RGL1: variants seen among roughly 807,000 people sequenced by gnomAD.
RGL1 encodes ral guanine nucleotide dissociation stimulator like 1.
A neutral mutation model predicts 95.2 loss-of-function variants in RGL1; 24 were observed. The ratio of observed to expected loss-of-function variants is 0.25; its 90% CI spans 0.18 to 0.35. The LOEUF is 0.35. RGL1 is among the 10% of genes least tolerant of loss of function. The pLI, the probability that RGL1 is intolerant of heterozygous loss-of-function variation, is 1.00. For synonymous variants in RGL1, 329 were observed against 344.9 expected, an observed-to-expected ratio of 0.95 and a Z score of 0.51; for missense variants, 715 against 936.3, an observed-to-expected ratio of 0.76 and a Z score of 3.08.
At chr1:183,663,338 T>G (rs1651784614) in intron 1 of RGL1, among the ~76,000 whole-genome samples, 1 of 151,410 alleles carries the variant, frequency 6.6e-6, no homozygotes, top group East Asian at 1.9e-4. Flanking sequence ...ATATCCAGAA[T>G]CTACAATGAA....
At chr1:183,657,011 C>CAA (rs1278009517) in intron 1 of RGL1, among the ~76,000 whole-genome samples, 2,408 of 124,582 alleles carry the variant, frequency 0.019, 54 homozygotes, top group African/African-American at 0.054. Context: ...AAAATCGACT[C>CAA]AAAAAAAAAA....
chr1:183,845,962 A>G (rs2102531611), intron 2 of RGL1, among the ~76,000 whole-genome samples: 1 of 152,342 alleles, frequency 6.6e-6, no homozygotes, highest in South Asian at 2.1e-4. Context: ...CTCATAGTTC[A>G]ACCATTGTGG....
intron 2 of RGL1, among the ~76,000 whole-genome samples, chr1:183,820,760 C>T (rs1401624777): frequency 6.6e-6 from 1 of 152,138 alleles, no homozygotes; most frequent in Non-Finnish European, 1.5e-5. Context: ...CAGTAATTTC[C>T]TATAGTGATC....
intron 4 of RGL1, among the ~76,000 whole-genome samples, chr1:183,877,284 C>T (rs1471264528): frequency 6.6e-6 from 1 of 152,212 alleles, no homozygotes; most frequent in Non-Finnish European, 1.5e-5. Flanking sequence ...TACATCCCCC[C>T]ACTCTGTTCT....
At chr1:183,761,447 T>C (rs1658662141) in intron 2 of RGL1, among the ~76,000 whole-genome samples, 2 of 152,362 alleles carry the variant, frequency 1.3e-5, no homozygotes, top group African/African-American at 4.8e-5. Context: ...GGAATATCTT[T>C]TTTTCTAAGC....
intron 2 of RGL1, among the ~76,000 whole-genome samples, chr1:183,750,644 G>T (rs1404054191): frequency 6.6e-6 from 1 of 152,106 alleles, no homozygotes; most frequent in Non-Finnish European, 1.5e-5. Flanking sequence ...GAGGCATTCT[G>T]GTTTTTGGAA....
At chr1:183,760,545 C>T (rs1181692461) in intron 2 of RGL1, among the ~76,000 whole-genome samples, 1 of 121,214 alleles carries the variant, frequency 8.2e-6, no homozygotes. Flanking sequence ...TAGCCTGGGC[C>T]ATATAGCAAG....
At chr1:183,788,338 G>A (rs1222128890) in intron 2 of RGL1, among the ~76,000 whole-genome samples, 1 of 152,142 alleles carries the variant, frequency 6.6e-6, no homozygotes, top group African/African-American at 2.4e-5. Context: ...CAAGCAGTGA[G>A]GCAGGGAAAA....
intron 4 of RGL1, among the ~76,000 whole-genome samples, chr1:183,871,664 G>A (rs1325388339): frequency 2.0e-5 from 3 of 152,190 alleles, no homozygotes; most frequent in Middle Eastern, 6.8e-3. Flanking sequence ...CCTTTCAGAG[G>A]GTAAAAGAAC....
chr1:183,661,865 A>T (rs970441745), intron 1 of RGL1, among the ~76,000 whole-genome samples: 5 of 150,496 alleles, frequency 3.3e-5, no homozygotes, highest in African/African-American at 1.2e-4. Flanking sequence ...ATCCACCATG[A>T]TCAAGTGGGC....
chr1:183,912,747 G>A (rs982599267), intron 15 of RGL1, among the ~76,000 whole-genome samples: 5 of 152,182 alleles, frequency 3.3e-5, no homozygotes, highest in African/African-American at 1.2e-4. Context: ...CACAGATTTG[G>A]TCCAGGTCTG....
chr1:183,885,268 A>G (rs1488870609), intron 7 of RGL1, among the ~76,000 whole-genome samples: 2 of 152,164 alleles, frequency 1.3e-5, no homozygotes, highest in South Asian at 2.1e-4. Context: ...TTTCAGCACC[A>G]TGTTCAGTAA....
chr1:183,644,708 G>A (rs907083792), intron 1 of RGL1, among the ~76,000 whole-genome samples: 5 of 151,898 alleles, frequency 3.3e-5, no homozygotes, highest in Admixed American at 6.6e-5. Flanking sequence ...AAACCAATAC[G>A]AAGAGTAAGA....
At chr1:183,861,239 G>C (rs1319191745) in intron 3 of RGL1, among the ~76,000 whole-genome samples, 1 of 152,128 alleles carries the variant, frequency 6.6e-6, no homozygotes, top group African/African-American at 2.4e-5. Context: ...AGCAGAGCCT[G>C]AGAGATTCTT....
In RGL1 at chr1:183,780,996, C is replaced by A. The variant is rs79146278; in HGVS notation, c.133-25379C>A. On this transcript the variant is annotated intron_variant, in intron 2 of 18. Coordinates refer to the RGL1 transcript ENST00000304685. ...AGGGCCTATTGCTAAGTAGGTTTGTCAACATTTCCTCCAAGCACCTCTTTT... is the reference window on the plus strand; with the variant it reads ...AGGGCCTATTGCTAAGTAGGTTTGTAAACATTTCCTCCAAGCACCTCTTTT... Among the ~76,000 whole-genome samples, 275 of 152,276 alleles carry A rather than the reference C, an allele frequency of 1.8e-3. 6 individuals are homozygous for A. In the East Asian group the frequency reaches 0.042, roughly 23 times the overall value.
At chr1:183,739,939 C>T (rs1212632684) in intron 1 of RGL1, among the ~76,000 whole-genome samples, 1 of 152,218 alleles carries the variant, frequency 6.6e-6, no homozygotes, top group African/African-American at 2.4e-5. Context: ...ACATGTTACG[C>T]TTACGGATGT....
At chr1:183,758,615 G>A (rs1377899707) in intron 2 of RGL1, among the ~76,000 whole-genome samples, 1 of 152,006 alleles carries the variant, frequency 6.6e-6, no homozygotes, top group East Asian at 1.9e-4. Flanking sequence ...TTCTCAATGG[G>A]TCCTCATGTG....
chr1:183,849,483 G>GTTTTTTTTTTTTTTTTTTTTTTTTT, intron 3 of RGL1, among the ~76,000 whole-genome samples: 1 of 120,852 alleles, frequency 8.3e-6, no homozygotes, highest in Non-Finnish European at 1.6e-5. Context: ...CCAGTTTTTA[G>GTTTTTTTTTTTTTTTTTTTTTTTTT]TTTTTTTTTT....
At chr1:183,752,254 G>T (rs1350814150) in intron 2 of RGL1, among the ~76,000 whole-genome samples, 1 of 150,728 alleles carries the variant, frequency 6.6e-6, no homozygotes, top group Non-Finnish European at 1.5e-5. Context: ...TTGAGATGGA[G>T]TCTCACTCTG....
Sources: allele counts gnomAD v4.1 joint callset (sites outside exome capture counted in the v4.1 genomes callset), GRCh38; gene constraint gnomAD v4.1.1; transcripts MANE v1.5; gene names NCBI Gene and HGNC (gene_info 2026-07-23, HGNC 2026-07-21).